The following FGF14 variants were observed in gnomAD, a reference collection of about 807,000 sequenced individuals.
The protein encoded by FGF14 is fibroblast growth factor 14.
In FGF14, 5 loss-of-function variants were observed where a neutral mutation model predicts 25.5. That is an observed-to-expected ratio of 0.20 (90% CI 0.10 to 0.41). FGF14 has a LOEUF of 0.41. Among genes scored for constraint, FGF14 ranks in the 10% least tolerant of loss-of-function variants. The pLI is 1.00. For missense variants in FGF14, 222 were observed against 320.1 expected (o/e 0.69, Z 2.34); for synonymous variants, 138 against 118.3 (o/e 1.17, Z -1.08).
chr13:101,953,737 C>T (rs552628667), intron 1 of FGF14, among the ~76,000 whole-genome samples: 1 of 151,750 alleles, frequency 6.6e-6, no homozygotes, highest in African/African-American at 2.4e-5. Flanking sequence ...ATTACAGGCA[C>T]GTGCCAACAC....
chr13:101,976,798 T>G (rs2476240), intron 1 of FGF14, among the ~76,000 whole-genome samples: 127,385 of 152,188 alleles, frequency 0.84, 53,720 homozygotes, highest in East Asian at 1. Context: ...AAGATAGCAT[T>G]ATTTCATATG....
Position 101,718,978 on chromosome 13 carries a change from A to G in FGF14, c.*3853T>C, listed in dbSNP as rs1159307439. 4 of 147,926 alleles carry G rather than the reference A, an allele frequency of 2.7e-5. No individual in the cohort carries two copies. Among genetic ancestry groups the G allele is most frequent in the Admixed American group, 6.7e-5 (1 of 14,994 alleles). The allele number at this position is 147,926 out of a possible 1,614,324, so 9.2% of individuals were successfully genotyped here. On this transcript the variant is annotated 3_prime_UTR_variant, in exon 5 of 5. Coordinates refer to ENST00000376143, the MANE Select transcript of FGF14 (RefSeq NM_004115.4). Reference sequence around the variant, plus strand: ...GGATTTTGATATGCCTGCATTTTGGAAAAAAAAATTGAGGATTTAGCCCAG... The same window carrying G: ...GGATTTTGATATGCCTGCATTTTGGGAAAAAAAATTGAGGATTTAGCCCAG...
At chr13:102,185,281 T>C (rs2048834114) in intron 1 of FGF14, among the ~76,000 whole-genome samples, 1 of 152,146 alleles carries the variant, frequency 6.6e-6, no homozygotes. Flanking sequence ...CCATTTTCTT[T>C]CATAGTTCTG....
At chr13:102,320,762 A>G (rs1422925507) in intron 1 of FGF14, among the ~76,000 whole-genome samples, 2 of 152,214 alleles carry the variant, frequency 1.3e-5, no homozygotes, top group East Asian at 3.9e-4. Flanking sequence ...GGGGCTAAAG[A>G]TGTGCATGTT....
intron 1 of FGF14, among the ~76,000 whole-genome samples, chr13:102,284,217 C>T (rs2053982025): frequency 6.6e-6 from 1 of 152,034 alleles, no homozygotes; most frequent in African/African-American, 2.4e-5. Flanking sequence ...GATGGCATAG[C>T]CAGAATGTCT....
At position 101,713,545 on chromosome 13, in the gene FGF14, T is replaced by G. The variant is rs1407544773; in HGVS notation, c.*9286A>C. On this transcript the variant is annotated 3_prime_UTR_variant, in exon 5 of 5. Transcript: ENST00000376143. ...AAGAAAGTCCTTTTTATTTGTTTCT[T>G]TTTCATTGTAAAGTCTTTCCTGCTG... is the stretch of plus-strand genomic sequence containing the variant. 1.3e-5 allele frequency: 2 copies of G among 152,190 alleles called. No homozygotes were observed. Among genetic ancestry groups the G allele is most frequent in the East Asian group, 3.8e-4 (2 of 5,198 alleles). 9.4% of individuals were successfully genotyped at this position (152,190 alleles called of 1,614,324 possible). A position where few individuals can be genotyped will look rare whatever the true frequency, so the allele number is the denominator to read the frequency against.
chr13:102,165,701 T>A (rs1484265739), intron 1 of FGF14, among the ~76,000 whole-genome samples: 1 of 143,624 alleles, frequency 7.0e-6, no homozygotes, highest in Admixed American at 6.9e-5. Context: ...CATTAGGAGA[T>A]ATACCTAATG....
intron 3 of FGF14, among the ~76,000 whole-genome samples, chr13:101,752,819 G>T (rs2037377226): frequency 6.6e-6 from 1 of 152,100 alleles, no homozygotes; most frequent in Non-Finnish European, 1.5e-5. Flanking sequence ...TCCCAAGTAG[G>T]CTAGAAGAGG....
intron 3 of FGF14, among the ~76,000 whole-genome samples, chr13:101,862,248 C>T (rs2044457006): frequency 6.6e-6 from 1 of 151,942 alleles, no homozygotes; most frequent in African/African-American, 2.4e-5. Context: ...CTTTTTCATC[C>T]TCCCATCCTC....
At chr13:102,319,848 T>C (rs541077195) in intron 1 of FGF14, among the ~76,000 whole-genome samples, 1 of 152,336 alleles carries the variant, frequency 6.6e-6, no homozygotes, top group East Asian at 1.9e-4. Context: ...TAGACATAGA[T>C]GTGCCAAATG....
intron 3 of FGF14, among the ~76,000 whole-genome samples, chr13:101,784,764 G>C (rs117561999): frequency 6.6e-6 from 1 of 152,254 alleles, no homozygotes; most frequent in African/African-American, 2.4e-5. Context: ...AACACCTGCT[G>C]TGTGTCTTGA....
chr13:102,381,821 T>A (rs987382214), intron 1 of FGF14, among the ~76,000 whole-genome samples: 1 of 152,170 alleles, frequency 6.6e-6, no homozygotes, highest in African/African-American at 2.4e-5. Flanking sequence ...ATTTTTAGAG[T>A]GTTCTTTGGT....
intron 3 of FGF14, among the ~76,000 whole-genome samples, chr13:101,788,940 AG>A (rs2040060015): frequency 1.8e-5 from 1 of 55,530 alleles, no homozygotes. Flanking sequence ...AGAGAGAGAG[AG>A]AGAGAGACAG....
intron 1 of FGF14, among the ~76,000 whole-genome samples, chr13:101,877,029 T>A (rs2045437698): frequency 6.6e-6 from 1 of 152,136 alleles, no homozygotes; most frequent in Non-Finnish European, 1.5e-5. Flanking sequence ...GATTTACAAT[T>A]TTTCTGTAAA....
intron 3 of FGF14, among the ~76,000 whole-genome samples, chr13:101,741,633 G>GT (rs2036564962): frequency 1.4e-5 from 1 of 70,224 alleles, no homozygotes; most frequent in African/African-American, 3.7e-5. Flanking sequence ...TTTTATTACA[G>GT]TAAAAAAAAA....
chr13:102,035,228 T>A (rs946951473), intron 1 of FGF14, among the ~76,000 whole-genome samples: 1 of 152,038 alleles, frequency 6.6e-6, no homozygotes, highest in Non-Finnish European at 1.5e-5. Flanking sequence ...AAGGGTGAAA[T>A]CTGGGGTGAG....
At chr13:101,767,789 T>C (rs1211018499) in intron 3 of FGF14, among the ~76,000 whole-genome samples, 1 of 152,130 alleles carries the variant, frequency 6.6e-6, no homozygotes, top group African/African-American at 2.4e-5. Context: ...CAAAGCTCTC[T>C]AAAATAAGCA....
chr13:101,764,534 CA>C (rs1271557556), intron 3 of FGF14, among the ~76,000 whole-genome samples: 2 of 152,178 alleles, frequency 1.3e-5, no homozygotes, highest in African/African-American at 4.8e-5. Flanking sequence ...GGGCGATTAA[CA>C]ACAAAATGAG....
intron 1 of FGF14, among the ~76,000 whole-genome samples, chr13:102,184,695 G>A (rs2048809598): frequency 6.6e-6 from 1 of 152,164 alleles, no homozygotes; most frequent in Non-Finnish European, 1.5e-5. Context: ...AAGAACATCC[G>A]TGTAGATGAG....
Sources: gnomAD v4.1 joint callset for allele counts (sites outside exome capture counted in the v4.1 genomes callset) on GRCh38, gnomAD v4.1.1 for gene constraint, MANE v1.5 for transcripts, NCBI Gene and HGNC (gene_info 2026-07-23, HGNC 2026-07-21) for gene names.